Variants in CNTN4 observed in about 807,000 individuals in gnomAD.
CNTN4 encodes the protein contactin 4.
Under a neutral mutation model 122.5 loss-of-function variants are expected in CNTN4, and 77 were observed. That is an observed-to-expected ratio of 0.63 (90% CI 0.52 to 0.76). CNTN4 has a LOEUF of 0.76. Among genes scored for constraint, CNTN4 ranks in the 30% least tolerant of loss-of-function variants. The pLI, the probability that CNTN4 is intolerant of heterozygous loss-of-function variation, is 0.00. For missense variants in CNTN4, 1,256 were observed against 1,259.1 expected (o/e 1.00, Z 0.04); for synonymous variants, 512 against 447.0 (o/e 1.15, Z -1.83).
chr3:2,983,205 C>T (rs1161520824), intron 13 of CNTN4, among the ~76,000 whole-genome samples: 2 of 83,414 alleles, frequency 2.4e-5, no homozygotes, highest in East Asian at 7.9e-4. Context: ...CAGAGCGAGA[C>T]TCCATCTCAA....
chr3:3,032,161 T>G (rs2125685050), intron 16 of CNTN4, among the ~76,000 whole-genome samples: 1 of 152,284 alleles, frequency 6.6e-6, no homozygotes, highest in South Asian at 2.1e-4. Flanking sequence ...GAAAAAACTT[T>G]CAACCGAGGT....
At chr3:2,881,811 A>T (rs1005189610) in intron 8 of CNTN4, among the ~76,000 whole-genome samples, 1 of 151,766 alleles carries the variant, frequency 6.6e-6, no homozygotes, top group African/African-American at 2.4e-5. Context: ...TCTCTTTGTG[A>T]TTGCACCTGT....
rs140772187 is a variant in CNTN4 at position 2,556,332 on chromosome 3, C to T, written c.-88-15084C>T. On this transcript the variant is annotated intron_variant, in intron 3 of 24. Transcript: ENST00000418658. ...ACTGGTCGGCATATGAATATACAAA[C>T]GTTTAATTACACACCCTGCCTGTCC... 2.2e-3 allele frequency among the ~76,000 whole-genome samples: 330 copies of T among 152,244 alleles called. 3 individuals are homozygous for T. Among genetic ancestry groups the T allele is most frequent in the African/African-American group, 6.9e-3 (287 of 41,542 alleles).
chr3:2,282,306 A>G (rs1182741803), intron 2 of CNTN4, among the ~76,000 whole-genome samples: 1 of 151,932 alleles, frequency 6.6e-6, no homozygotes, highest in African/African-American at 2.4e-5. Context: ...TCGTAGTTCC[A>G]TTTTTCTCTA....
At chr3:2,227,384 G>A (rs1180958189) in intron 2 of CNTN4, among the ~76,000 whole-genome samples, 3 of 152,116 alleles carry the variant, frequency 2.0e-5, no homozygotes, top group Admixed American at 2.0e-4. Context: ...ATCCTTAGGT[G>A]CTTTTGTCAG....
At chr3:2,355,361 C>T (rs1486393465) in intron 3 of CNTN4, among the ~76,000 whole-genome samples, 1 of 152,184 alleles carries the variant, frequency 6.6e-6, no homozygotes, top group Non-Finnish European at 1.5e-5. Context: ...AATGTCATTG[C>T]ACACATTTGA....
chr3:2,552,414 T>C (rs1287696488), intron 3 of CNTN4, among the ~76,000 whole-genome samples: 2 of 152,164 alleles, frequency 1.3e-5, no homozygotes, highest in East Asian at 3.9e-4. Context: ...TCTGCCCTTG[T>C]AAATTAGGGA....
At chr3:3,019,498 T>A (rs889555821) in intron 14 of CNTN4, among the ~76,000 whole-genome samples, 1 of 151,940 alleles carries the variant, frequency 6.6e-6, no homozygotes, top group African/African-American at 2.4e-5. Context: ...TTTGACCATG[T>A]TGGCCAGGCT....
chr3:2,884,884 A>T (rs190727848), intron 9 of CNTN4, among the ~76,000 whole-genome samples: 2 of 152,354 alleles, frequency 1.3e-5, no homozygotes, highest in Admixed American at 1.3e-4. Flanking sequence ...TTGGGTATGC[A>T]CATCCAGCTG....
Position 2,762,054 on chromosome 3 carries a change from T to G in CNTN4, c.358+16357T>G, listed in dbSNP as rs138318345. On this transcript the variant is annotated intron_variant, in intron 6 of 24. Transcript: ENST00000418658. ...AATGCATCAATGAACTAGACAGATA[T>G]GAAGTCTACATCCAGTAGGGAAGAC... Among the ~76,000 whole-genome samples, 222 of 152,256 alleles carry G rather than the reference T, an allele frequency of 1.5e-3. 1 individual carries two copies. Among genetic ancestry groups the G allele is most frequent in the African/African-American group, 5.2e-3 (215 of 41,556 alleles).
intron 2 of CNTN4, among the ~76,000 whole-genome samples, chr3:2,131,551 G>A (rs191199202): frequency 1.3e-5 from 2 of 152,162 alleles, no homozygotes; most frequent in Admixed American, 6.5e-5. Flanking sequence ...AGGGTAAAGT[G>A]GGGTGTCACA....
intron 2 of CNTN4, among the ~76,000 whole-genome samples, chr3:2,128,982 C>A (rs1156964622): frequency 2.0e-5 from 3 of 151,986 alleles, no homozygotes; most frequent in Non-Finnish European, 4.4e-5. Context: ...GAATAATTAT[C>A]CAAAATATAC....
intron 6 of CNTN4, among the ~76,000 whole-genome samples, chr3:2,779,976 G>A (rs2149841957): frequency 6.6e-6 from 1 of 152,278 alleles, no homozygotes; most frequent in Admixed American, 6.5e-5. Flanking sequence ...TCATTTATTT[G>A]AAGAACTAAC....
intron 4 of CNTN4, among the ~76,000 whole-genome samples, chr3:2,614,097 G>A (rs975519945): frequency 1.3e-5 from 2 of 152,214 alleles, no homozygotes; most frequent in African/African-American, 2.4e-5. Context: ...GAGCATGTGA[G>A]AGCAGGCCAG....
Position 2,866,788 on chromosome 3 carries a change from C to T in CNTN4, c.491C>T (p.Ser164Phe), listed in dbSNP as rs1349406131. The change falls in exon 8 of 25, where the codon TCC becomes TTC. Residue 164 changes from serine to phenylalanine, a missense_variant. By Grantham distance (155) the Ser-to-Phe change is radical. Transcript: ENST00000418658. Reference protein sequence around the residue: ...SYAWIFNEYPSYQDNRRFVSQ... With the variant: ...SYAWIFNEYPFYQDNRRFVSQ... ...GCCTGGATCTTCAATGAATACCCTT[C>T]CTATCAGGATAATCGCCGCTTTGTT... 6.2e-7 allele frequency: 1 copy of T among 1,613,890 alleles called. No individual in the cohort carries two copies. The highest frequency in any genetic ancestry group is 8.5e-7 in the Non-Finnish European group (1 of 1,179,922).
intron 12 of CNTN4, among the ~76,000 whole-genome samples, chr3:2,923,963 T>C (rs1263941670): frequency 3.3e-5 from 5 of 152,156 alleles, no homozygotes; most frequent in Non-Finnish European, 7.4e-5. Flanking sequence ...CATCTGTACA[T>C]CTGTACTTGC....
intron 3 of CNTN4, among the ~76,000 whole-genome samples, chr3:2,537,781 C>G (rs1431117511): frequency 7.2e-5 from 11 of 151,926 alleles, no homozygotes; most frequent in African/African-American, 2.4e-5. Context: ...ACATATCCAC[C>G]CATCATAAAC....
intron 4 of CNTN4, among the ~76,000 whole-genome samples, chr3:2,667,509 A>G (rs578072444): frequency 1.4e-4 from 22 of 152,260 alleles, no homozygotes; most frequent in African/African-American, 5.1e-4. Flanking sequence ...TCAGATGAGT[A>G]GATTACAAAA....
intron 3 of CNTN4, among the ~76,000 whole-genome samples, chr3:2,503,896 A>T (rs1374182775): frequency 6.6e-6 from 1 of 152,122 alleles, no homozygotes; most frequent in East Asian, 1.9e-4. Flanking sequence ...ATTTGGCTTT[A>T]CCAGGTAGCT....
Sources: gnomAD v4.1 joint callset for allele counts (sites outside exome capture counted in the v4.1 genomes callset) on GRCh38, gnomAD v4.1.1 for gene constraint, MANE v1.5 for transcripts, NCBI Gene and HGNC (gene_info 2026-07-23, HGNC 2026-07-21) for gene names.